Variants in GDAP1 observed in about 807,000 individuals in gnomAD.
The protein encoded by GDAP1 is ganglioside-induced differentiation-associated protein 1.
A neutral mutation model predicts 40.1 loss-of-function variants in GDAP1; 34 were observed. The ratio of observed to expected loss-of-function variants is 0.85; its 90% CI spans 0.64 to 1.13. The LOEUF is 1.13. Ranked by LOEUF, GDAP1 falls within the 50% of genes most tolerant of loss-of-function variation. The pLI, the probability that GDAP1 is intolerant of heterozygous loss-of-function variation, is 0.00. For missense variants in GDAP1, 374 were observed against 433.7 expected, an observed-to-expected ratio of 0.86 and a Z score of 1.22; for synonymous variants, 170 against 157.4, an observed-to-expected ratio of 1.08 and a Z score of -0.60.
intron 2 of GDAP1, among the ~76,000 whole-genome samples, chr8:74,416,394 A>G (rs1325350850): frequency 6.7e-6 from 1 of 150,106 alleles, no homozygotes; most frequent in Admixed American, 6.6e-5. Context: ...AACACAGTCC[A>G]TTACAACATC....
chr8:74,473,083 ATTT>A (rs34633437), intron 2 of GDAP1, among the ~76,000 whole-genome samples: 57,234 of 148,194 alleles, frequency 0.39, 11,497 homozygotes, highest in East Asian at 0.48. Flanking sequence ...GGCTGCATGT[ATTT>A]TTTTTTTTTT....
intron 2 of GDAP1, among the ~76,000 whole-genome samples, chr8:74,389,866 G>A (rs1810080984): frequency 6.6e-6 from 1 of 152,138 alleles, no homozygotes; most frequent in Non-Finnish European, 1.5e-5. Context: ...TGTAGTCTTT[G>A]TTCATTCCTT....
In GDAP1 at chr8:74,360,137, A is replaced by G; in HGVS notation, c.311A>G (p.Glu104Gly). Reference protein sequence around the residue: ...IDYLEQTFLDERTPRLMPDKE... With the variant: ...IDYLEQTFLDGRTPRLMPDKE... The stretch of plus-strand genomic sequence containing the variant: ...CAATATTTGTGTGTGTGTATTTTAG[A>G]AAGAACACCCAGGTTAATGCCTGAT... Residue 104 changes from glutamate to glycine, a missense_variant and splice_region_variant, in exon 3 of 6, where the codon GAA (glutamate) becomes GGA (glycine). Coordinates refer to ENST00000220822, the MANE Select transcript of GDAP1 (RefSeq NM_018972.4). 6.2e-7 allele frequency: 1 copy of G among 1,610,942 alleles called. No homozygotes were observed. Among genetic ancestry groups the G allele is most frequent in the East Asian group, 2.2e-5 (1 of 44,872 alleles).
At chr8:74,385,400 C>T (rs1239846739) in intron 2 of GDAP1, among the ~76,000 whole-genome samples, 3 of 152,054 alleles carry the variant, frequency 2.0e-5, no homozygotes, top group Non-Finnish European at 4.4e-5. Flanking sequence ...CATTGTTCAA[C>T]CCCCACTTAT....
chr8:74,419,822 CT>C (rs1259467921), intron 2 of GDAP1, among the ~76,000 whole-genome samples: 6 of 152,102 alleles, frequency 3.9e-5, no homozygotes, highest in African/African-American at 1.4e-4. Context: ...CTATTTTCAG[CT>C]AATTTTTATA....
chr8:74,401,428 A>G (rs1239175809), intron 2 of GDAP1, among the ~76,000 whole-genome samples: 1 of 149,396 alleles, frequency 6.7e-6, no homozygotes, highest in African/African-American at 2.6e-5. Flanking sequence ...ACTTCTCTGT[A>G]TTGGTTATTC....
intron 2 of GDAP1, among the ~76,000 whole-genome samples, chr8:74,422,272 C>G (rs1485523256): frequency 1.6e-5 from 2 of 128,438 alleles, no homozygotes; most frequent in East Asian, 4.7e-4. Flanking sequence ...TTTTTCTTTT[C>G]TTTTCTTTTT....
intron 2 of GDAP1, among the ~76,000 whole-genome samples, chr8:74,359,184 T>C (rs1809237044): frequency 6.6e-6 from 1 of 152,240 alleles, no homozygotes; most frequent in African/African-American, 2.4e-5. Flanking sequence ...TAGCTCTGCC[T>C]CTAATTAGCT....
In GDAP1 at chr8:74,364,618, T is replaced by G; in HGVS notation, c.*251T>G. On this transcript the variant is annotated 3_prime_UTR_variant, in exon 6 of 6. Transcript: ENST00000220822. ...GAGAAGGAAAAATGAGAGAATGAAG[T>G]CTGTATAGGGTAGAGCAATAGAAAG... is the stretch of plus-strand genomic sequence containing the variant. The G allele has an allele frequency of 1.6e-6, 1 of 610,038 alleles. No homozygotes were observed. The highest frequency in any genetic ancestry group is 3.0e-6 in the Non-Finnish European group (1 of 328,680). 37.8% of individuals were successfully genotyped at this position (610,038 alleles called of 1,614,324 possible). A position where few individuals can be genotyped will look rare whatever the true frequency, so the allele number is the denominator to read the frequency against.
intron 2 of GDAP1, among the ~76,000 whole-genome samples, chr8:74,352,587 G>A (rs1490055483): frequency 2.0e-5 from 3 of 152,252 alleles, no homozygotes; most frequent in Non-Finnish European, 4.4e-5. Context: ...GGCTACCCCT[G>A]TTCTTAATCT....
At chr8:74,399,365 A>T (rs1262887696) in intron 2 of GDAP1, among the ~76,000 whole-genome samples, 2 of 149,750 alleles carry the variant, frequency 1.3e-5, no homozygotes, top group African/African-American at 2.6e-5. Flanking sequence ...CTCTGATTGT[A>T]GTTTGTATTT....
At chr8:74,351,639 A>G (rs904503568) in intron 2 of GDAP1, among the ~76,000 whole-genome samples, 173 bp downstream of exon 2, 9 of 152,218 alleles carry the variant, frequency 5.9e-5, no homozygotes, top group African/African-American at 2.2e-4. Context: ...GTCAATAACA[A>G]ATTTTGTATA....
chr8:74,454,962 T>C (rs977513661), intron 2 of GDAP1, among the ~76,000 whole-genome samples: 4 of 152,012 alleles, frequency 2.6e-5, no homozygotes, highest in Admixed American at 6.6e-5. Flanking sequence ...GGATTGGGGC[T>C]GTTGATGAAT....
intron 2 of GDAP1, among the ~76,000 whole-genome samples, chr8:74,412,225 G>A (rs1371248621): frequency 1.3e-5 from 2 of 149,862 alleles, no homozygotes; most frequent in Non-Finnish European, 2.9e-5. Flanking sequence ...AAGAGAAAAT[G>A]ATTAATGGAA....
intron 2 of GDAP1, among the ~76,000 whole-genome samples, chr8:74,381,839 C>T (rs894198624): frequency 1.3e-4 from 20 of 151,008 alleles, no homozygotes; most frequent in African/African-American, 4.6e-4. Flanking sequence ...TCTGGAGAGG[C>T]GATTGGAATT....
intron 2 of GDAP1, among the ~76,000 whole-genome samples, chr8:74,432,143 A>G (rs971269237): frequency 2.6e-5 from 4 of 152,114 alleles, no homozygotes; most frequent in African/African-American, 9.7e-5. Flanking sequence ...ATAAGTTGGA[A>G]CTATTGGTGG....
chr8:74,469,592 CCG>C (rs1317841817), intron 2 of GDAP1, among the ~76,000 whole-genome samples: 12 of 150,174 alleles, frequency 8.0e-5, no homozygotes, highest in South Asian at 2.1e-4. Context: ...GGCGTGAACC[CCG>C]GGGAGCGGAG....
intron 2 of GDAP1, among the ~76,000 whole-genome samples, chr8:74,388,521 T>G (rs918920880): frequency 2.6e-5 from 4 of 152,326 alleles, no homozygotes; most frequent in Admixed American, 2.0e-4. Context: ...GAGTTCCAGT[T>G]TGATTGCACT....
chr8:74,390,448 G>C (rs938493623), intron 2 of GDAP1, among the ~76,000 whole-genome samples: 1 of 152,156 alleles, frequency 6.6e-6, no homozygotes. Context: ...TCTGCTGCAG[G>C]TCTGCTGGAG....
Sources: allele counts gnomAD v4.1 joint callset (sites outside exome capture counted in the v4.1 genomes callset), GRCh38; gene constraint gnomAD v4.1.1; transcripts MANE v1.5; gene names NCBI Gene and HGNC (gene_info 2026-07-23, HGNC 2026-07-21).